Variants in SLCO4A1 observed in about 807,000 individuals in gnomAD.
SLCO4A1 encodes the protein solute carrier organic anion transporter family member 4A1, also known as colon organic anion transporter.
A neutral mutation model predicts 64.6 loss-of-function variants in SLCO4A1; 51 were observed. The observed-to-expected ratio is 0.79, with a 90% CI of 0.63 to 1.00. The LOEUF is 1.00. Among genes scored for constraint, SLCO4A1 ranks in the 50% least tolerant of loss-of-function variants. The pLI, the probability that SLCO4A1 is intolerant of heterozygous loss-of-function variation, is 0.00. For missense variants in SLCO4A1, 919 were observed against 980.5 expected (o/e 0.94, Z 0.84); for synonymous variants, 471 against 444.9 (o/e 1.06, Z -0.74).
At chr20:62,674,080 C>T (rs1484182476), downstream of SLCO4A1, among the ~76,000 whole-genome samples, 1 of 152,198 alleles carries the variant, frequency 6.6e-6, no homozygotes, top group African/African-American at 2.4e-5. Context: ...TGCCAGCCAT[C>T]TCCTCCTAGA....
Position 62,645,957 on chromosome 20 carries a change from G to T in SLCO4A1, c.-97+3404G>T, listed in dbSNP as rs949829799. ...TGCCCCAGGCTCACTTGGGGCCCTT[G>T]CATTTGCCACTGGACTCTGCCTTTC... On this transcript the variant is annotated intron_variant, in intron 1 of 11. Coordinates refer to ENST00000217159, the MANE Select transcript of SLCO4A1 (RefSeq NM_016354.4). This position sits in a 1 kb window ranked among gnomAD's most constrained non-coding sequence, Gnocchi z 4.2. Among the ~76,000 whole-genome samples the T allele has an allele frequency of 6.6e-6, 1 of 152,120 alleles. No individual in the cohort carries two copies. Among genetic ancestry groups the T allele is most frequent in the Admixed American group, 6.5e-5 (1 of 15,274 alleles).
chr20:62,666,296 G>A (rs1460847181), intron 6 of SLCO4A1, 84 bp from the exon 7 acceptor site: 3 of 1,267,932 alleles, frequency 2.4e-6, no homozygotes, highest in Non-Finnish European at 3.4e-6. Context: ...TTCCCCACCT[G>A]TAAAGTGGAC....
chr20:62,664,910 C>T (rs1437391685), intron 5 of SLCO4A1, 24 bp from the exon 6 acceptor site: 1 of 1,570,352 alleles, frequency 6.4e-7, no homozygotes, highest in Non-Finnish European at 8.6e-7. Flanking sequence ...TCAGTCTCTT[C>T]TCCACACCCC....
chr20:62,679,233 G>T (rs1987723814), intron 2 of SLCO4A1, among the ~76,000 whole-genome samples: 1 of 152,190 alleles, frequency 6.6e-6, no homozygotes, highest in Non-Finnish European at 1.5e-5. Context: ...AAGTAGCATG[G>T]CAGAGCTGCT....
downstream of SLCO4A1, among the ~76,000 whole-genome samples, chr20:62,688,746 C>T (rs943608195): frequency 1.3e-5 from 2 of 152,176 alleles, no homozygotes; most frequent in Non-Finnish European, 2.9e-5. Context: ...GCTTTCTGGG[C>T]TTGAAGGCAG....
chr20:62,663,902 C>T (rs111332410), intron 5 of SLCO4A1, among the ~76,000 whole-genome samples: 5,487 of 152,318 alleles, frequency 0.036, 127 homozygotes, highest in East Asian at 0.074. Context: ...ACACGTTTTC[C>T]ATCTCAGCAT....
At chr20:62,666,741 C>A in intron 7 of SLCO4A1, 166 bp downstream of exon 7, 1 of 646,094 alleles carries the variant, frequency 1.5e-6, no homozygotes, top group Non-Finnish European at 2.7e-6. Context: ...CCGGCAGCAT[C>A]CACGTGAAAA....
At position 62,671,775 on chromosome 20, in the gene SLCO4A1, T is replaced by C; in HGVS notation, c.2051T>C (p.Ile684Thr). The C allele has an allele frequency of 1.9e-6, 3 of 1,613,716 alleles. No homozygotes were observed. The highest frequency in any genetic ancestry group is 2.5e-6 in the Non-Finnish European group (3 of 1,180,008). Residue 684 changes from isoleucine to threonine, a missense_variant, in exon 12 of 12, where the codon ATA becomes ACA. Coordinates refer to ENST00000217159, the MANE Select transcript of SLCO4A1 (RefSeq NM_016354.4). The part of the protein sequence containing the change: ...YKVLGVLFFA[I>T]ACFLYKPLSE... ...GTGCTGGGCGTCCTCTTCTTTGCCATAGCCTGCTTCTTATACAAGCCCCTG... is the reference window on the plus strand; with the variant it reads ...GTGCTGGGCGTCCTCTTCTTTGCCACAGCCTGCTTCTTATACAAGCCCCTG...
At chr20:62,681,723 C>T (rs1987842602) in intron 2 of SLCO4A1, among the ~76,000 whole-genome samples, 1 of 152,118 alleles carries the variant, frequency 6.6e-6, no homozygotes, top group Non-Finnish European at 1.5e-5. Flanking sequence ...GCCCCCATCC[C>T]TTTGTATATT....
At chr20:62,648,564 G>A (rs936209147) in intron 1 of SLCO4A1, among the ~76,000 whole-genome samples, 8 of 152,254 alleles carry the variant, frequency 5.3e-5, no homozygotes, top group African/African-American at 1.7e-4. Context: ...TTCTGGAGCA[G>A]CCGTCAGGAG....
chr20:62,656,425 G>A lies in SLCO4A1; in HGVS notation c.-30G>A, dbSNP rs1983720180. On this transcript the variant is annotated 5_prime_UTR_variant, in exon 2 of 12. Transcript: ENST00000217159. ...AGGCCACTCCCACTGCGTGGCTGAA[G>A]CCTCGAGGTCACCAGGCGGAGGCGC... 1 of 1,452,030 alleles carries A rather than the reference G, an allele frequency of 6.9e-7. No individual in the cohort carries two copies. Among genetic ancestry groups the A allele is most frequent in the African/African-American group, 1.4e-5 (1 of 70,482 alleles). 89.9% of individuals were successfully genotyped at this position (1,452,030 alleles called of 1,614,324 possible). A position where few individuals can be genotyped will look rare whatever the true frequency, so the allele number is the denominator to read the frequency against.
At chr20:62,681,173 A>G (rs1289630863) in intron 2 of SLCO4A1, among the ~76,000 whole-genome samples, 2 of 152,194 alleles carry the variant, frequency 1.3e-5, no homozygotes, top group African/African-American at 4.8e-5. Flanking sequence ...GGCATGAGCC[A>G]CCCTTCCTGG....
chr20:62,667,637 C>G (rs1986604144), intron 7 of SLCO4A1, 108 bp from the exon 8 acceptor site: 1 of 1,361,438 alleles, frequency 7.3e-7, no homozygotes. Context: ...GTTTGTAGAC[C>G]CGAAATGCAG....
In SLCO4A1 at chr20:62,667,878, G is replaced by C. The variant is rs1325199944; in HGVS notation, c.1606G>C (p.Ala536Pro). The change falls in exon 8 of 12, where the codon GCA (alanine) becomes CCA (proline). Residue 536 changes from alanine to proline, a missense_variant. By Grantham distance (27) the Ala-to-Pro change is conservative (BLOSUM62 -1). Coordinates refer to ENST00000217159, the MANE Select transcript of SLCO4A1 (RefSeq NM_016354.4). Reference sequence around the variant, plus strand: ...CTCACTGTGCCACGCAGGGTGCCCTGCAGCCACGGAGACGAATGTGGACGG... The same window carrying C: ...CTCACTGTGCCACGCAGGGTGCCCTCCAGCCACGGAGACGAATGTGGACGG... ...YFSLCHAGCP[A>P]ATETNVDGQK... The C allele has an allele frequency of 6.8e-6, 11 of 1,613,908 alleles. No individual in the cohort carries two copies. Among genetic ancestry groups the C allele is most frequent in the Non-Finnish European group, 9.3e-6 (11 of 1,180,044 alleles).
At position 62,680,569 on chromosome 20, in the gene SLCO4A1, GTTT is replaced by G. The variant is rs201255008; in HGVS notation, n.212-4859_212-4857del. On this transcript the variant is annotated intron_variant and non_coding_transcript_variant, in intron 2 of 2. Coordinates refer to the SLCO4A1 transcript ENST00000466818. ...CCCTTCTATTTCTAGTTTGCTGATG[GTTT>G]TTTTTTTTTTTTAACCATAAATGGG... Among the ~76,000 whole-genome samples, 907 of 146,306 alleles carry G rather than the reference GTTT, an allele frequency of 6.2e-3. 9 individuals are homozygous for G. The highest frequency in any genetic ancestry group is 0.02 in the African/African-American group (798 of 39,962).
chr20:62,642,920 C>A, intron 1 of SLCO4A1: 1 of 449,256 alleles, frequency 2.2e-6, no homozygotes, highest in Admixed American at 2.5e-5. Context: ...GTGACCTGGG[C>A]AGGTGGCCCG....
In SLCO4A1 at chr20:62,656,974, G is replaced by T; in HGVS notation, c.520G>T (p.Gly174Cys). The stretch of plus-strand genomic sequence containing the variant: ...CTCAGGGCACAAGCCGCGCTGGCTG[G>T]GCTGGGGCGTGCTGCTTATGGGCAC... ...GGSGHKPRWL[G>C]WGVLLMGTGS... The change falls in exon 2 of 12, where the codon GGC becomes TGC. Residue 174 changes from glycine (G) to cysteine (C), a missense_variant. Gly to Cys is a radical substitution (Grantham distance 159, BLOSUM62 -3). Coordinates refer to ENST00000217159, the MANE Select transcript of SLCO4A1 (RefSeq NM_016354.4). 1 of 1,567,030 alleles carries T rather than the reference G, an allele frequency of 6.4e-7. No individual in the cohort carries two copies.
chr20:62,688,518 G>A (rs1988136676), downstream of SLCO4A1, among the ~76,000 whole-genome samples: 1 of 152,242 alleles, frequency 6.6e-6, no homozygotes, highest in South Asian at 2.1e-4. Context: ...TTTTCTCGGG[G>A]TTTGGGGCTC....
At position 62,661,666 on chromosome 20, in the gene SLCO4A1, T is replaced by A. The variant is rs1429751941; in HGVS notation, c.1121+491T>A. The stretch of plus-strand genomic sequence containing the variant: ...CGGGCCCTGGGATGCTGCCCCCCCA[T>A]CTCCCTCCCTCCCTCAGAGTCTCTG... On this transcript the variant is annotated intron_variant, in intron 5 of 11. Coordinates refer to ENST00000217159, the MANE Select transcript of SLCO4A1 (RefSeq NM_016354.4). This position sits in a 1 kb window ranked among gnomAD's most constrained non-coding sequence, Gnocchi z 5.2. 1.4e-5 allele frequency among the ~76,000 whole-genome samples: 2 copies of A among 138,752 alleles called. No individual in the cohort carries two copies. Among genetic ancestry groups the A allele is most frequent in the Non-Finnish European group, 1.6e-5 (1 of 64,234 alleles). The allele number at this position is 138,752 out of a possible 152,430, so 91.0% of individuals were successfully genotyped here.
Sources: allele counts gnomAD v4.1 joint callset (sites outside exome capture counted in the v4.1 genomes callset), GRCh38; gene constraint gnomAD v4.1.1; non-coding constraint Gnocchi (gnomAD v3.1); transcripts MANE v1.5; gene names NCBI Gene and HGNC (gene_info 2026-07-23, HGNC 2026-07-21).